Variants in EML1 observed in about 807,000 individuals in gnomAD.
EML1 encodes the protein echinoderm microtubule-associated protein-like 1.
In EML1, 27 loss-of-function variants were observed where a neutral mutation model predicts 110.4. The observed-to-expected ratio is 0.24, with a 90% CI of 0.18 to 0.34. The LOEUF (loss-of-function observed/expected upper bound fraction) is 0.34. Ranked by LOEUF, EML1 falls within the 10% of genes least tolerant of loss-of-function variation. The pLI is 1.00. For missense variants in EML1, 741 were observed against 1,030.9 expected, an observed-to-expected ratio of 0.72 and a Z score of 3.85; for synonymous variants, 344 against 385.8, an observed-to-expected ratio of 0.89 and a Z score of 1.27.
chr14:99,870,381 T>C (rs1484817760), intron 3 of EML1, among the ~76,000 whole-genome samples: 1 of 152,200 alleles, frequency 6.6e-6, no homozygotes, highest in Non-Finnish European at 1.5e-5. Flanking sequence ...AACATAAAAG[T>C]GCAAGGTAAA....
intron 1 of EML1, among the ~76,000 whole-genome samples, chr14:99,767,473 G>A (rs922608233): frequency 4.6e-5 from 7 of 152,150 alleles, no homozygotes; most frequent in African/African-American, 1.7e-4. Flanking sequence ...GTGGTGGCAC[G>A]CACCTGTAGG....
chr14:99,880,600 C>G (rs1202209688), intron 4 of EML1, among the ~76,000 whole-genome samples: 1 of 152,112 alleles, frequency 6.6e-6, no homozygotes, highest in African/African-American at 2.4e-5. Flanking sequence ...TGCCTCGTCC[C>G]CATCGCTCAC....
At chr14:99,776,503 CA>C (rs530358372) in intron 1 of EML1, among the ~76,000 whole-genome samples, 9,001 of 108,820 alleles carry the variant, frequency 0.083, 304 homozygotes, top group African/African-American at 0.13. Context: ...GACTCCATCT[CA>C]AAAAAAAAAA....
intron 7 of EML1, among the ~76,000 whole-genome samples, chr14:99,897,820 T>C (rs944940552): frequency 1.3e-5 from 2 of 152,182 alleles, no homozygotes; most frequent in African/African-American, 2.4e-5. Flanking sequence ...CTTGGAAGGA[T>C]GGATGCGTGA....
intron 1 of EML1, among the ~76,000 whole-genome samples, chr14:99,763,493 G>A (rs981447867): frequency 6.6e-6 from 1 of 152,248 alleles, no homozygotes; most frequent in South Asian, 2.1e-4. Context: ...CACTACTCCC[G>A]GTGATAAGGT....
chr14:99,909,363 T>C lies in EML1; in HGVS notation c.1123T>C (p.Phe375Leu), dbSNP rs745642099. 1 of 1,614,218 alleles carries C rather than the reference T, an allele frequency of 6.2e-7. No homozygotes were observed. The highest frequency in any genetic ancestry group is 1.1e-5 in the South Asian group (1 of 91,082). Residue 375 changes from phenylalanine to leucine, a missense_variant, in exon 11 of 22, where the codon TTT becomes CTT. Phe to Leu is a conservative substitution (Grantham distance 22). Coordinates refer to ENST00000262233, the MANE Select transcript of EML1 (RefSeq NM_004434.3). ...CCTATAGTGCTCTAATGAAGCTGTG[T>C]TTGCTGCGGATTTCCACCCCACGGA... ...ADVKCSNEAV[F>L]AADFHPTDTN...
chr14:99,829,769 T>G (rs2058419401), intron 1 of EML1, among the ~76,000 whole-genome samples: 1 of 152,232 alleles, frequency 6.6e-6, no homozygotes, highest in African/African-American at 2.4e-5. Flanking sequence ...AGTCTTTTTG[T>G]GACTGGTTTA....
chr14:99,738,241 C>T (rs1032962910), intron 1 of EML1, among the ~76,000 whole-genome samples: 2 of 152,160 alleles, frequency 1.3e-5, no homozygotes, highest in East Asian at 1.9e-4. Context: ...CACTTAACGG[C>T]GGGGGAGAGC....
At chr14:99,870,589 C>G (rs2059181396) in intron 3 of EML1, among the ~76,000 whole-genome samples, 1 of 152,216 alleles carries the variant, frequency 6.6e-6, no homozygotes, top group Admixed American at 6.5e-5. Flanking sequence ...CAGACTGACT[C>G]TTGTTAGGGC....
chr14:99,838,715 A>G (rs2058578849), intron 1 of EML1, among the ~76,000 whole-genome samples: 1 of 152,064 alleles, frequency 6.6e-6, no homozygotes. Flanking sequence ...ACTGCGCCTC[A>G]TAGCAAAAGG....
At chr14:99,738,197 C>T (rs1048042753) in intron 1 of EML1, among the ~76,000 whole-genome samples, 2 of 152,202 alleles carry the variant, frequency 1.3e-5, no homozygotes, top group African/African-American at 2.4e-5. Context: ...ATGCCGTGGG[C>T]CACTGGAACC....
chr14:99,780,131 T>G (rs2057523949), intron 1 of EML1, among the ~76,000 whole-genome samples: 1 of 152,188 alleles, frequency 6.6e-6, no homozygotes, highest in African/African-American at 2.4e-5. Context: ...CTCTCCCTTT[T>G]TATAAGGTCA....
At chr14:99,898,352 G>A (rs1330348043) in intron 8 of EML1, 50 bp downstream of exon 8, 2 of 1,548,850 alleles carry the variant, frequency 1.3e-6, no homozygotes, top group Non-Finnish European at 8.8e-7. Context: ...GTAACACAAA[G>A]TAATTTTTAG....
intron 1 of EML1, among the ~76,000 whole-genome samples, chr14:99,753,216 C>A (rs1194906675): frequency 5.8e-5 from 8 of 138,856 alleles, no homozygotes; most frequent in East Asian, 2.4e-4. Flanking sequence ...CGCCCCCCCA[C>A]CCCCCACTGC....
chr14:99,913,141 A>G (rs984846383), intron 13 of EML1, among the ~76,000 whole-genome samples: 1 of 139,658 alleles, frequency 7.2e-6, no homozygotes, highest in African/African-American at 2.9e-5. Context: ...AGAACTTACC[A>G]TTTTAAGTTG....
chr14:99,852,155 C>G (rs1254739935), intron 2 of EML1, among the ~76,000 whole-genome samples: 2 of 152,192 alleles, frequency 1.3e-5, no homozygotes, highest in African/African-American at 4.8e-5. Flanking sequence ...AATTTCTGTC[C>G]AGCTAGCTGG....
chr14:99,781,964 C>A lies in EML1; in HGVS notation c.-27+7951C>A, dbSNP rs960511773. Among the ~76,000 whole-genome samples, 1 of 152,312 alleles carries A rather than the reference C, an allele frequency of 6.6e-6. No individual in the cohort carries two copies. Among genetic ancestry groups the A allele is most frequent in the Admixed American group, 6.5e-5 (1 of 15,300 alleles). On this transcript the variant is annotated intron_variant, in intron 1 of 22. Transcript: ENST00000327921. The surrounding 1 kb of genome is among the most constrained non-coding windows in gnomAD (Gnocchi z 4.2). ...TCCCCATGTGTCTGTCGGTCCCAAA[C>A]CCAAGCAACAAATACTTTCCAAATA...
At chr14:99,932,693 G>A (rs2060393790) in intron 17 of EML1, among the ~76,000 whole-genome samples, 1 of 151,076 alleles carries the variant, frequency 6.6e-6, no homozygotes, top group African/African-American at 2.4e-5. Flanking sequence ...TGCAGGTGTA[G>A]TTGTCAAAAC....
intron 2 of EML1, among the ~76,000 whole-genome samples, chr14:99,857,426 T>C (rs1055349740): frequency 6.6e-6 from 1 of 152,244 alleles, no homozygotes; most frequent in Non-Finnish European, 1.5e-5. Flanking sequence ...AGCAGTTTTA[T>C]TGAAATATAA....
Sources: allele counts gnomAD v4.1 joint callset (sites outside exome capture counted in the v4.1 genomes callset), GRCh38; gene constraint gnomAD v4.1.1; non-coding constraint Gnocchi (gnomAD v3.1); transcripts MANE v1.5; gene names NCBI Gene and HGNC (gene_info 2026-07-23, HGNC 2026-07-21).